The following EYS variants were observed in gnomAD, a reference collection of about 807,000 sequenced individuals.
EYS encodes EGF-like photoreceptor maintenance factor, also known as protein eyes shut homolog.
Under a neutral mutation model 282.1 loss-of-function variants are expected in EYS, and 250 were observed. That is an observed-to-expected ratio of 0.89 (90% CI 0.80 to 0.98). The LOEUF is 0.98. EYS is among the 50% of genes least tolerant of loss of function. The pLI, the probability that EYS is intolerant of heterozygous loss-of-function variation, is 0.00. For missense variants in EYS, 4,016 were observed against 3,709.0 expected (o/e 1.08, Z -2.15); for synonymous variants, 1,355 against 1,282.9 (o/e 1.06, Z -1.20).
At chr6:64,574,761 C>T (rs1235562911) in intron 26 of EYS, among the ~76,000 whole-genome samples, 1 of 152,168 alleles carries the variant, frequency 6.6e-6, no homozygotes, top group Admixed American at 6.6e-5. Flanking sequence ...TACATTTCTT[C>T]AGCCAGTTGA....
intron 19 of EYS, among the ~76,000 whole-genome samples, chr6:64,830,696 A>G (rs1765186877): frequency 6.6e-6 from 1 of 151,950 alleles, no homozygotes; most frequent in African/African-American, 2.4e-5. Flanking sequence ...TTTACCCAGG[A>G]AGAGACAAAT....
chr6:64,862,157 G>C (rs573989444), intron 19 of EYS, among the ~76,000 whole-genome samples: 5 of 152,310 alleles, frequency 3.3e-5, no homozygotes, highest in Admixed American at 3.3e-4. Context: ...CGCATGTGAA[G>C]TCAGGTGCAA....
In EYS at chr6:65,016,863, T is replaced by C. The variant is rs112032950; in HGVS notation, c.2138-19160A>G. ...AGTTCTATGAAAAGACAGTCCTTTT[T>C]ACTAAACAGAAGATCTAGCTAACAC... On this transcript the variant is annotated intron_variant, in intron 13 of 42. Coordinates refer to ENST00000503581, the MANE Select transcript of EYS (RefSeq NM_001142800.2). 7.1e-3 allele frequency among the ~76,000 whole-genome samples: 1,088 copies of C among 152,338 alleles called. 6 individuals are homozygous for C. The highest frequency in any genetic ancestry group is 0.041 in the Middle Eastern group (12 of 294).
At chr6:64,210,370 T>G (rs574692848) in intron 31 of EYS, among the ~76,000 whole-genome samples, 1 of 152,296 alleles carries the variant, frequency 6.6e-6, no homozygotes, top group African/African-American at 2.4e-5. Flanking sequence ...GGCTCTCTCC[T>G]TGGCTTCCAG....
At chr6:64,354,649 A>G (rs1431032314) in intron 29 of EYS, among the ~76,000 whole-genome samples, 2 of 151,534 alleles carry the variant, frequency 1.3e-5, no homozygotes, top group Non-Finnish European at 3.0e-5. Flanking sequence ...ATTTCCCAGT[A>G]AATTAATTGT....
At chr6:64,525,085 A>G (rs897727162) in intron 26 of EYS, among the ~76,000 whole-genome samples, 8 of 151,826 alleles carry the variant, frequency 5.3e-5, no homozygotes, top group African/African-American at 1.9e-4. Flanking sequence ...GGGAGTGTAA[A>G]TTAGTTCAAC....
chr6:64,099,203 C>G lies in EYS; in HGVS notation c.6425-17201G>C, dbSNP rs146830738. On this transcript the variant is annotated intron_variant, in intron 31 of 42. Transcript: ENST00000503581. ...TCATATTTTATGCCCATTTTTCCCC[C>G]TTTGGTATGGCTAGTATGGAAAGTC... is the stretch of plus-strand genomic sequence containing the variant. Among the ~76,000 whole-genome samples, 567 of 152,206 alleles carry G rather than the reference C, an allele frequency of 3.7e-3. 2 individuals are homozygous for G. The highest frequency in any genetic ancestry group is 6.9e-3 in the Non-Finnish European group (471 of 68,004).
intron 35 of EYS, among the ~76,000 whole-genome samples, chr6:63,892,057 C>A (rs896844740): frequency 1.3e-5 from 2 of 152,132 alleles, no homozygotes; most frequent in African/African-American, 4.8e-5. Flanking sequence ...GAACTACAAA[C>A]CACTGCTCAA....
At chr6:64,166,878 G>C (rs931097177) in intron 31 of EYS, among the ~76,000 whole-genome samples, 5 of 152,100 alleles carry the variant, frequency 3.3e-5, no homozygotes, top group Non-Finnish European at 5.9e-5. Flanking sequence ...TTATACTTTA[G>C]TGGCATATTT....
rs1766591813 is a variant in EYS at position 65,225,312 on chromosome 6, A to G, written c.2023+70551T>C. ...ATCTATAATATAATATATAATTATA[A>G]TTATATAGTATAGCAAATATAAAGC... On this transcript the variant is annotated intron_variant, in intron 12 of 42. Coordinates refer to ENST00000503581, the MANE Select transcript of EYS (RefSeq NM_001142800.2). Among the ~76,000 whole-genome samples, 2 of 150,204 alleles carry G rather than the reference A, an allele frequency of 1.3e-5. 1 individual carries two copies. The highest frequency in any genetic ancestry group is 4.2e-4 in the South Asian group (2 of 4,800).
rs1254349117 is a variant in EYS at position 63,788,212 on chromosome 6, C to T, written c.7616G>A (p.Gly2539Glu). Residue 2539 changes from glycine to glutamate, a missense_variant, in exon 39 of 43, where the codon GGA becomes GAA. Physicochemically the swap from Gly to Glu is moderately conservative, Grantham distance 98 (BLOSUM62 -2). Coordinates refer to ENST00000503581, the MANE Select transcript of EYS (RefSeq NM_001142800.2). ...DHKNKSIIAP[G>E]RLVGLNVFSQ... ...GAAGACATTGAGACCAACCAGTCTTCCTGGGGCGATAATGGATTTATTTTT... is the reference window on the plus strand; with the variant it reads ...GAAGACATTGAGACCAACCAGTCTTTCTGGGGCGATAATGGATTTATTTTT... 5 of 1,543,880 alleles carry T rather than the reference C, an allele frequency of 3.2e-6. No homozygotes were observed. The highest frequency in any genetic ancestry group is 4.4e-6 in the Non-Finnish European group (5 of 1,144,834).
intron 28 of EYS, among the ~76,000 whole-genome samples, chr6:64,395,752 G>A (rs1773345080): frequency 6.7e-6 from 1 of 150,074 alleles, no homozygotes; most frequent in South Asian, 2.1e-4. Context: ...CCTGCACAAT[G>A]TGCACATGTA....
At chr6:63,855,154 G>C (rs1392919802) in intron 36 of EYS, among the ~76,000 whole-genome samples, 1 of 152,226 alleles carries the variant, frequency 6.6e-6, no homozygotes, top group Non-Finnish European at 1.5e-5. Context: ...AAGGGCAATA[G>C]AGTACTGTGT....
intron 11 of EYS, among the ~76,000 whole-genome samples, chr6:65,316,224 G>A (rs1167050995): frequency 6.6e-6 from 1 of 152,040 alleles, no homozygotes. Context: ...TGTTTCTGTT[G>A]AAAAGAAGTT....
At chr6:63,958,914 T>A (rs924846614) in intron 35 of EYS, among the ~76,000 whole-genome samples, 1 of 152,194 alleles carries the variant, frequency 6.6e-6, no homozygotes, top group Non-Finnish European at 1.5e-5. Flanking sequence ...ACAATGCACC[T>A]GGACACTCAA....
Position 64,388,694 on chromosome 6 carries a change from A to G in EYS, c.6074T>C (p.Ile2025Thr). The change falls in exon 29 of 43, where the codon ATC (isoleucine) becomes ACC (threonine). Residue 2025 changes from isoleucine (I) to threonine (T), a missense_variant. Physicochemically the swap from Ile to Thr is moderately conservative, Grantham distance 89. Transcript: ENST00000503581. ...IGGFPDLHGK[I>T]QMPVPVKNFT... ...TTAAAACATCTATAGAAATACCTGG[A>G]TTTTCCCATGAAGGTCTGGAAATCC... 1.3e-6 allele frequency: 2 copies of G among 1,529,916 alleles called. No homozygotes were observed. The allele number at this position is 1,529,916 out of a possible 1,614,324, so 94.8% of individuals were successfully genotyped here. A position where few individuals can be genotyped will look rare whatever the true frequency, so the allele number is the denominator to read the frequency against.
At chr6:63,779,063 C>T (rs1207583210) in intron 39 of EYS, 2 of 149,178 alleles carry the variant, frequency 1.3e-5, no homozygotes, top group Non-Finnish European at 1.5e-5. Context: ...CTCAATTTTG[C>T]TATGGTAGTT....
intron 31 of EYS, among the ~76,000 whole-genome samples, chr6:64,150,082 C>A (rs1774651898): frequency 6.6e-6 from 1 of 152,272 alleles, no homozygotes; most frequent in South Asian, 2.1e-4. Flanking sequence ...GATTCTAGGG[C>A]CTGGGATTCA....
At chr6:64,600,686 C>T (rs190291909) in intron 24 of EYS, among the ~76,000 whole-genome samples, 1 of 152,090 alleles carries the variant, frequency 6.6e-6, no homozygotes, top group East Asian at 1.9e-4. Flanking sequence ...AGGAAGGGGA[C>T]TATGTTACAT....
Sources: gnomAD v4.1 joint callset for allele counts (sites outside exome capture counted in the v4.1 genomes callset) on GRCh38, gnomAD v4.1.1 for gene constraint, MANE v1.5 for transcripts, NCBI Gene and HGNC (gene_info 2026-07-23, HGNC 2026-07-21) for gene names.